The following ZHX2 variants were observed in gnomAD, a reference collection of about 807,000 sequenced individuals.
ZHX2 encodes zinc fingers and homeoboxes 2.
Under a neutral mutation model 21.9 loss-of-function variants are expected in ZHX2, and 6 were observed. The ratio of observed to expected loss-of-function variants is 0.27; its 90% CI spans 0.15 to 0.54. ZHX2 has a LOEUF of 0.54. Ranked by LOEUF, ZHX2 falls within the 20% of genes least tolerant of loss-of-function variation. The pLI is 0.95. For synonymous variants in ZHX2, 434 were observed against 437.1 expected, an observed-to-expected ratio of 0.99 and a Z score of 0.09; for missense variants, 908 against 1,090.7, an observed-to-expected ratio of 0.83 and a Z score of 2.36.
At position 122,828,560 on chromosome 8, in the gene ZHX2, A is replaced by G. The variant is rs1818309879; in HGVS notation, c.-282-34917A>G. The stretch of plus-strand genomic sequence containing the variant: ...CATGGCAGGAGACGCTGTCCTTGTG[A>G]CATACCTTGTTGACCAGAGAGCTCC... On this transcript the variant is annotated intron_variant, in intron 1 of 3. Coordinates refer to ENST00000314393, the MANE Select transcript of ZHX2 (RefSeq NM_014943.5). This position sits in a 1 kb window ranked among gnomAD's most constrained non-coding sequence, Gnocchi z 5.2. Among the ~76,000 whole-genome samples the G allele has an allele frequency of 6.6e-6, 1 of 152,234 alleles. No homozygotes were observed. Among genetic ancestry groups the G allele is most frequent in the South Asian group, 2.1e-4 (1 of 4,832 alleles).
intron 1 of ZHX2, among the ~76,000 whole-genome samples, chr8:122,807,388 A>G (rs777737778): frequency 2.1e-4 from 32 of 152,350 alleles, no homozygotes; most frequent in Non-Finnish European, 4.4e-4. Context: ...ACATTTATTC[A>G]GGATTTCCAG....
In ZHX2 at chr8:122,871,021, G is replaced by A. The variant is rs775040263; in HGVS notation, c.-220+7482G>A. ...CTGGAAGCGTTGCATTTGATGAACC[G>A]GTGGAGCGGGCAGGACGGGGAGCAG... is the stretch of plus-strand genomic sequence containing the variant. On this transcript the variant is annotated intron_variant, in intron 2 of 3. Transcript: ENST00000314393. 1.6e-4 allele frequency among the ~76,000 whole-genome samples: 24 copies of A among 152,160 alleles called. No homozygotes were observed. The East Asian group carries it at 2.1e-3, about 13-fold the overall frequency.
chr8:122,937,584 C>CT (rs11297115), intron 2 of ZHX2, among the ~76,000 whole-genome samples: 24 of 146,150 alleles, frequency 1.6e-4, no homozygotes, highest in African/African-American at 3.5e-4. Flanking sequence ...CGTCTATTAT[C>CT]TTTTTTTTTT....
chr8:122,854,862 T>G (rs1818992356), intron 1 of ZHX2, among the ~76,000 whole-genome samples: 1 of 152,170 alleles, frequency 6.6e-6, no homozygotes, highest in African/African-American at 2.4e-5. Context: ...TACTTACTTT[T>G]AAATACTTGT....
At chr8:122,836,297 T>G (rs1818494454) in intron 1 of ZHX2, among the ~76,000 whole-genome samples, 1 of 152,092 alleles carries the variant, frequency 6.6e-6, no homozygotes, top group Non-Finnish European at 1.5e-5. Context: ...CCGGGAAAAC[T>G]TACCAGTAGG....
intron 2 of ZHX2, among the ~76,000 whole-genome samples, chr8:122,871,031 G>T (rs1398550113): frequency 6.6e-6 from 1 of 152,162 alleles, no homozygotes. Flanking sequence ...GGTGGAGCGG[G>T]CAGGACGGGG....
intron 2 of ZHX2, among the ~76,000 whole-genome samples, chr8:122,929,725 A>G (rs547657672): frequency 1.3e-5 from 2 of 152,146 alleles, no homozygotes; most frequent in East Asian, 3.9e-4. Flanking sequence ...CGTGTCTGAA[A>G]AACTCCACTG....
chr8:122,928,683 G>A (rs1019327833), intron 2 of ZHX2, among the ~76,000 whole-genome samples: 2 of 152,162 alleles, frequency 1.3e-5, no homozygotes, highest in Non-Finnish European at 2.9e-5. Flanking sequence ...CTAGTGTGGA[G>A]CCATCTGGAA....
intron 3 of ZHX2, among the ~76,000 whole-genome samples, chr8:122,970,785 G>C (rs1036002387): frequency 6.6e-6 from 1 of 152,328 alleles, no homozygotes; most frequent in East Asian, 1.9e-4. Flanking sequence ...GAGGCTGGCC[G>C]TGGGCTACTG....
At chr8:122,937,933 GTTTTTTTTT>G (rs71310636) in intron 2 of ZHX2, among the ~76,000 whole-genome samples, 2 of 73,352 alleles carry the variant, frequency 2.7e-5, no homozygotes, top group African/African-American at 1.1e-4. Flanking sequence ...TTTCTTTTTG[GTTTTTTTTT>G]TTTTTTTTTT....
chr8:122,850,364 G>A (rs188601942), intron 1 of ZHX2, among the ~76,000 whole-genome samples: 15 of 152,246 alleles, frequency 9.9e-5, no homozygotes, highest in Non-Finnish European at 1.3e-4. Context: ...CCGGCCGGGC[G>A]CAGTGGCTCA....
At chr8:122,903,666 C>T (rs547704786) in intron 2 of ZHX2, among the ~76,000 whole-genome samples, 3 of 152,188 alleles carry the variant, frequency 2.0e-5, no homozygotes, top group Admixed American at 2.0e-4. Context: ...GGTCTACAGA[C>T]AGTGTAGATT....
Position 122,952,801 on chromosome 8 carries a change from C to T in ZHX2, c.1291C>T (p.Pro431Ser). 1 of 1,614,108 alleles carries T rather than the reference C, an allele frequency of 6.2e-7. No individual in the cohort carries two copies. The highest frequency in any genetic ancestry group is 8.5e-7 in the Non-Finnish European group (1 of 1,180,016). ...CATCGCTCAGGTGCCAGAGCCCCCACCCAAGGTGGCCAACCCCCCGCTCAC... is the reference window on the plus strand; with the variant it reads ...CATCGCTCAGGTGCCAGAGCCCCCATCCAAGGTGGCCAACCCCCCGCTCAC... ...PHIAQVPEPP[P>S]KVANPPLTPA... The change falls in exon 3 of 4, where the codon CCC becomes TCC. Residue 431 changes from proline to serine, a missense_variant. Physicochemically the swap from Pro to Ser is moderately conservative, Grantham distance 74. Around this residue, in one of 4 missense-constraint regions of ZHX2, gnomAD observed 232 missense variants for 361.8 expected, o/e 0.64. Coordinates refer to ENST00000314393, the MANE Select transcript of ZHX2 (RefSeq NM_014943.5). The surrounding 1 kb of genome is among the most constrained non-coding windows in gnomAD (Gnocchi z 6.9).
At chr8:122,799,138 A>G (rs11993964) in intron 1 of ZHX2, among the ~76,000 whole-genome samples, 85,729 of 152,062 alleles carry the variant, frequency 0.56, 24,319 homozygotes, top group Admixed American at 0.59. Flanking sequence ...AGGAGCGAGC[A>G]TGACAGAATG....
At chr8:122,969,271 G>A (rs975377824) in intron 3 of ZHX2, among the ~76,000 whole-genome samples, 20 of 152,250 alleles carry the variant, frequency 1.3e-4, no homozygotes, top group East Asian at 3.9e-4. Flanking sequence ...CATACAATGG[G>A]TGTAAAGTTG....
At chr8:122,945,475 C>T (rs1331983229) in intron 2 of ZHX2, among the ~76,000 whole-genome samples, 1 of 136,302 alleles carries the variant, frequency 7.3e-6, no homozygotes, top group Admixed American at 7.8e-5. Context: ...GCATGTATTC[C>T]GAGGCAATTT....
chr8:122,870,061 G>T (rs143872207), intron 2 of ZHX2, among the ~76,000 whole-genome samples: 2 of 152,320 alleles, frequency 1.3e-5, no homozygotes, highest in Non-Finnish European at 2.9e-5. Flanking sequence ...GGTTCAGGGA[G>T]GCTTTCAATT....
chr8:122,885,336 C>G lies in ZHX2; in HGVS notation c.-220+21797C>G, dbSNP rs181206631. On this transcript the variant is annotated intron_variant, in intron 2 of 3. Transcript: ENST00000314393. ...TTGCATTTGTCATCTTCTGAGGGAC[C>G]AGCCAGAGGCCAGTCTGCATGCATC... is the stretch of plus-strand genomic sequence containing the variant. Among the ~76,000 whole-genome samples, 3 of 152,282 alleles carry G rather than the reference C, an allele frequency of 2.0e-5. No individual in the cohort carries two copies. In the East Asian group the frequency reaches 5.8e-4, roughly 29 times the overall value.
chr8:122,797,915 A>G (rs893781589), intron 1 of ZHX2, among the ~76,000 whole-genome samples: 2 of 152,216 alleles, frequency 1.3e-5, no homozygotes, highest in African/African-American at 4.8e-5. Context: ...AGGAGGGTTC[A>G]GCGTGCCAGG....
Sources: gnomAD v4.1 joint callset for allele counts (sites outside exome capture counted in the v4.1 genomes callset) on GRCh38, gnomAD v4.1.1 for gene constraint, gnomAD v4.1.1 regional missense constraint, Gnocchi (gnomAD v3.1) non-coding constraint, MANE v1.5 for transcripts, NCBI Gene and HGNC (gene_info 2026-07-23, HGNC 2026-07-21) for gene names.